Variants in KLHL32 observed in about 807,000 individuals in gnomAD.
KLHL32 encodes the protein kelch like family member 32.
In KLHL32, 35 loss-of-function variants were observed where a neutral mutation model predicts 64.8. The ratio of observed to expected loss-of-function variants is 0.54; its 90% CI spans 0.41 to 0.72. KLHL32 has a LOEUF of 0.72. Ranked by LOEUF, KLHL32 falls within the 30% of genes least tolerant of loss-of-function variation. The pLI, the probability that KLHL32 is intolerant of heterozygous loss-of-function variation, is 0.00. For synonymous variants in KLHL32, 259 were observed against 281.0 expected (o/e 0.92, Z 0.78); for missense variants, 589 against 768.5 (o/e 0.77, Z 2.76).
At chr6:97,054,752 A>G (rs983140137) in intron 4 of KLHL32, among the ~76,000 whole-genome samples, 1 of 152,230 alleles carries the variant, frequency 6.6e-6, no homozygotes, top group African/African-American at 2.4e-5. Context: ...ATAGCCATTC[A>G]TCTCTATGTA....
intron 2 of KLHL32, among the ~76,000 whole-genome samples, chr6:96,975,020 T>C (rs756014184): frequency 1.3e-5 from 2 of 152,222 alleles, no homozygotes; most frequent in Non-Finnish European, 2.9e-5. Flanking sequence ...ATACCAGTTC[T>C]GAGATTTTAG....
intron 3 of KLHL32, among the ~76,000 whole-genome samples, chr6:97,020,965 T>C (rs1344440503): frequency 6.6e-6 from 1 of 150,814 alleles, no homozygotes; most frequent in Admixed American, 6.6e-5. Flanking sequence ...TATTCCTATA[T>C]GATGATGTAT....
upstream of KLHL32, among the ~76,000 whole-genome samples, chr6:96,922,944 AG>A (rs1768798351): frequency 6.6e-6 from 1 of 152,212 alleles, no homozygotes; most frequent in Non-Finnish European, 1.5e-5. Flanking sequence ...ACATTTTACT[AG>A]GCATTTACCA....
intron 3 of KLHL32, among the ~76,000 whole-genome samples, chr6:97,005,041 G>T (rs1040178183): frequency 6.6e-6 from 1 of 152,038 alleles, no homozygotes; most frequent in African/African-American, 2.4e-5. Context: ...TTTTTGAATA[G>T]TTTTAGTGGG....
intron 4 of KLHL32, among the ~76,000 whole-genome samples, chr6:97,043,211 A>G (rs1197017561): frequency 6.6e-6 from 1 of 152,082 alleles, no homozygotes; most frequent in Admixed American, 6.5e-5. Context: ...ACAACTCCAA[A>G]TGGACTAAGA....
At chr6:96,922,043 A>G (rs775145248), upstream of KLHL32, among the ~76,000 whole-genome samples, 3 of 152,234 alleles carry the variant, frequency 2.0e-5, no homozygotes, top group Admixed American at 1.3e-4. Flanking sequence ...TAATATACCA[A>G]TGTGACATGA....
chr6:97,041,799 G>A (rs933161072), intron 4 of KLHL32, among the ~76,000 whole-genome samples, 200 bp downstream of exon 4: 5 of 152,160 alleles, frequency 3.3e-5, no homozygotes, highest in African/African-American at 7.2e-5. Context: ...ATGATCCAGT[G>A]AACATAGTAT....
In KLHL32 at chr6:96,976,001, C is replaced by A; in HGVS notation, c.28C>A (p.Gln10Lys). 1 of 1,569,872 alleles carries A rather than the reference C, an allele frequency of 6.4e-7. No homozygotes were observed. The highest frequency in any genetic ancestry group is 8.7e-7 in the Non-Finnish European group (1 of 1,151,450). The change falls in exon 3 of 11, where the codon CAA becomes AAA. Residue 10 changes from glutamine to lysine, a missense_variant. This residue lies in a region of KLHL32 where 191 missense variants were observed against 223.3 expected (regional missense o/e 0.86). Coordinates refer to ENST00000369261, the MANE Select transcript of KLHL32 (RefSeq NM_052904.4). MPSERCLSI[Q>K]EMLTGQRLCH... ...CTTGATTGCTCTCCTTTGTAGTATT[C>A]AAGAAATGCTGACAGGCCAGAGGCT...
At chr6:97,116,728 A>G (rs934887244) in intron 7 of KLHL32, among the ~76,000 whole-genome samples, 40 of 152,186 alleles carry the variant, frequency 2.6e-4, no homozygotes, top group African/African-American at 9.4e-4. Flanking sequence ...GACTCGCTAG[A>G]TCCGTCGTCC....
At chr6:97,055,412 C>T (rs1787636726) in intron 4 of KLHL32, among the ~76,000 whole-genome samples, 1 of 152,160 alleles carries the variant, frequency 6.6e-6, no homozygotes, top group South Asian at 2.1e-4. Flanking sequence ...GATCCACTCC[C>T]TCCGACTCTG....
chr6:97,121,436 A>G (rs191646457), intron 7 of KLHL32, among the ~76,000 whole-genome samples: 5 of 152,336 alleles, frequency 3.3e-5, no homozygotes, highest in African/African-American at 1.2e-4. Flanking sequence ...TTAACTGTCC[A>G]TTCTTCTCAG....
At chr6:97,112,078 C>T (rs904628747) in intron 6 of KLHL32, among the ~76,000 whole-genome samples, 1 of 152,146 alleles carries the variant, frequency 6.6e-6, no homozygotes, top group Non-Finnish European at 1.5e-5. Context: ...GTCAACATTC[C>T]AGCATGAAAC....
In KLHL32 at chr6:97,114,105, A is replaced by G. The variant is rs764870074; in HGVS notation, c.950A>G (p.Asn317Ser). The stretch of plus-strand genomic sequence containing the variant: ...TACTTCAATCCTGTTGATCAGGAGA[A>G]TGCTCTCATAGCTGCCATTGCCAAC... The part of the protein sequence containing the change: ...LRYFNPVDQE[N>S]ALIAAIANWS... Residue 317 changes from asparagine to serine, a missense_variant, in exon 7 of 11, where the codon AAT (asparagine) becomes AGT (serine). By Grantham distance (46) the Asn-to-Ser change is conservative. Coordinates refer to ENST00000369261, the MANE Select transcript of KLHL32 (RefSeq NM_052904.4). The G allele has an allele frequency of 1.1e-5, 17 of 1,614,114 alleles. No homozygotes were observed. The highest frequency in any genetic ancestry group is 1.4e-5 in the Non-Finnish European group (16 of 1,180,050).
chr6:97,129,886 T>TACAAA (rs573920708), intron 8 of KLHL32, among the ~76,000 whole-genome samples: 52 of 152,066 alleles, frequency 3.4e-4, no homozygotes, highest in South Asian at 1.5e-3. Context: ...CTGTCTCAAA[T>TACAAA]ACAAAACAAA....
chr6:97,051,033 A>G (rs1786818629), intron 4 of KLHL32, among the ~76,000 whole-genome samples: 1 of 151,954 alleles, frequency 6.6e-6, no homozygotes, highest in African/African-American at 2.4e-5. Flanking sequence ...CAAAAAACAC[A>G]TGTGTTTGAA....
At chr6:97,025,620 CT>C (rs1274566361) in intron 3 of KLHL32, among the ~76,000 whole-genome samples, 1 of 152,172 alleles carries the variant, frequency 6.6e-6, no homozygotes, top group African/African-American at 2.4e-5. Flanking sequence ...GTTTGTCTTT[CT>C]TTGAATTGAA....
chr6:97,097,491 T>A (rs1235911488), intron 6 of KLHL32, among the ~76,000 whole-genome samples: 1 of 152,184 alleles, frequency 6.6e-6, no homozygotes, highest in East Asian at 1.9e-4. Context: ...TGCACGGATA[T>A]AGTTTGGCTG....
intron 6 of KLHL32, among the ~76,000 whole-genome samples, 196 bp downstream of exon 6, chr6:97,085,537 C>T (rs933175045): frequency 6.6e-6 from 1 of 152,172 alleles, no homozygotes; most frequent in Non-Finnish European, 1.5e-5. Flanking sequence ...CGGACTCTGC[C>T]GCTTAACTCA....
chr6:96,899,438 C>T, the KLHL32 span, among the ~76,000 whole-genome samples: 1 of 152,156 alleles, frequency 6.6e-6, no homozygotes, highest in Non-Finnish European at 1.5e-5. Flanking sequence ...GTGAAAATCT[C>T]ATTTTCATAG....
Sources: gnomAD v4.1 joint callset for allele counts (sites outside exome capture counted in the v4.1 genomes callset) on GRCh38, gnomAD v4.1.1 for gene constraint, gnomAD v4.1.1 regional missense constraint, MANE v1.5 for transcripts, NCBI Gene and HGNC (gene_info 2026-07-23, HGNC 2026-07-21) for gene names.